Variants in STMN3 observed in about 807,000 individuals in gnomAD.
STMN3 encodes stathmin-3.
In STMN3, 24 loss-of-function variants were observed where a neutral mutation model predicts 23.2. That is an observed-to-expected ratio of 1.03 (90% CI 0.75 to 1.45). The LOEUF is 1.45. Ranked by LOEUF, STMN3 falls within the 40% of genes most tolerant of loss-of-function variation. The pLI is 0.00. For synonymous variants in STMN3, 117 were observed against 103.4 expected (o/e 1.13, Z -0.80); for missense variants, 235 against 237.6 (o/e 0.99, Z 0.07).
chr20:63,645,475 C>CA (rs2089802011), intron 1 of STMN3, among the ~76,000 whole-genome samples: 1 of 152,190 alleles, frequency 6.6e-6, no homozygotes, highest in South Asian at 2.1e-4. Flanking sequence ...AAGTGCCCAC[C>CA]AGCCAGTGTC....
At chr20:63,646,213 C>T (rs964486775) in intron 1 of STMN3, among the ~76,000 whole-genome samples, 1 of 151,722 alleles carries the variant, frequency 6.6e-6, no homozygotes, top group Non-Finnish European at 1.5e-5. Flanking sequence ...CAGGCCCGTG[C>T]GAGAGCCTTT....
At chr20:63,646,245 A>G (rs983589475) in intron 1 of STMN3, among the ~76,000 whole-genome samples, 1 of 151,874 alleles carries the variant, frequency 6.6e-6, no homozygotes, top group Non-Finnish European at 1.5e-5. Flanking sequence ...TGAGACTTTG[A>G]GCCGGGAAGC....
chr20:63,648,349 CCCCT>C (rs1319270225), intron 1 of STMN3, among the ~76,000 whole-genome samples: 3 of 152,076 alleles, frequency 2.0e-5, no homozygotes, highest in Non-Finnish European at 4.4e-5. Context: ...AGGGACTTGG[CCCCT>C]CCAGGCCTGA....
chr20:63,644,446 A>C, intron 1 of STMN3, 137 bp from the exon 2 acceptor site: 1 of 656,870 alleles, frequency 1.5e-6, no homozygotes, highest in East Asian at 2.8e-5. Context: ...GTGTGTCTCC[A>C]CACCGCCGGC....
chr20:63,653,370 G>A lies in STMN3; in HGVS notation c.-25C>T, dbSNP rs1293845130. 10 of 1,542,550 alleles carry A rather than the reference G, an allele frequency of 6.5e-6. No homozygotes were observed. Among genetic ancestry groups the A allele is most frequent in the Non-Finnish European group, 8.7e-6 (10 of 1,144,660 alleles). ...TGGTGCTGGCGGCGGTTGGGCCTGC[G>A]GAGGCTGGAGAGGCGCAAGTGGCGG... On this transcript the variant is annotated 5_prime_UTR_variant, in exon 1 of 5. Transcript: ENST00000370053.
chr20:63,652,755 CCGCAGCGGTGTGGGGGGAGGG>C lies in STMN3; in HGVS notation c.19+551_19+571del, dbSNP rs2089870637. 2.0e-6 allele frequency: 2 copies of C among 985,904 alleles called. No individual in the cohort carries two copies. Among genetic ancestry groups the C allele is most frequent in the South Asian group, 9.4e-5 (2 of 21,300 alleles). 61.1% of individuals were successfully genotyped at this position (985,904 alleles called of 1,614,324 possible). On this transcript the variant is annotated intron_variant, in intron 1 of 4. Coordinates refer to ENST00000370053, the MANE Select transcript of STMN3 (RefSeq NM_015894.4). The surrounding 1 kb of genome is among the most constrained non-coding windows in gnomAD (Gnocchi z 5.3). ...GCGTCGCAAAGGGTGGTCCCCGAGG[CCGCAGCGGTGTGGGGGGAGGG>C]CGCGGTCCCCCTCACTCCGGGCTCC...
intron 1 of STMN3, among the ~76,000 whole-genome samples, chr20:63,651,044 C>T (rs2089855078): frequency 6.6e-6 from 1 of 151,896 alleles, no homozygotes; most frequent in Non-Finnish European, 1.5e-5. Context: ...ACTGCAACCT[C>T]CCTCTCCCCG....
At chr20:63,641,437 G>A (rs748228981) in intron 4 of STMN3, 40 bp from the exon 5 acceptor site, 1 of 1,519,814 alleles carries the variant, frequency 6.6e-7, no homozygotes, top group South Asian at 1.2e-5. Flanking sequence ...GGCGGGGGTG[G>A]CTTGGGGCGA....
At chr20:63,647,339 G>A (rs1402731831) in intron 1 of STMN3, among the ~76,000 whole-genome samples, 14 of 149,888 alleles carry the variant, frequency 9.3e-5, no homozygotes, top group Non-Finnish European at 2.1e-4. Flanking sequence ...TATGGAGGCC[G>A]GGCATGGTGG....
At chr20:63,649,038 C>A (rs182173163) in intron 1 of STMN3, among the ~76,000 whole-genome samples, 2 of 152,148 alleles carry the variant, frequency 1.3e-5, no homozygotes, top group African/African-American at 4.8e-5. Context: ...ACGTGTCCAA[C>A]TGAGAGGTGA....
chr20:63,647,686 CGTGT>C (rs1394027630), intron 1 of STMN3, among the ~76,000 whole-genome samples: 3 of 121,564 alleles, frequency 2.5e-5, no homozygotes, highest in Admixed American at 9.1e-5. Flanking sequence ...TATATATACA[CGTGT>C]ATATATATAA....
intron 3 of STMN3, among the ~76,000 whole-genome samples, chr20:63,642,873 G>A (rs1437314177): frequency 2.0e-5 from 3 of 152,186 alleles, no homozygotes; most frequent in Non-Finnish European, 4.4e-5. Context: ...TCAGCCCTGT[G>A]AACCCTGGTC....
At chr20:63,647,272 C>A (rs1343894075) in intron 1 of STMN3, among the ~76,000 whole-genome samples, 1 of 144,130 alleles carries the variant, frequency 6.9e-6, no homozygotes, top group Non-Finnish European at 1.5e-5. Flanking sequence ...CGAGCTACTG[C>A]ACTCCAGCCT....
chr20:63,644,368 G>T, intron 1 of STMN3, 59 bp from the exon 2 acceptor site: 2 of 1,356,506 alleles, frequency 1.5e-6, no homozygotes, highest in Non-Finnish European at 2.1e-6. Flanking sequence ...CTGGGCCCCC[G>T]TTTTCCCTCC....
At position 63,642,180 on chromosome 20, in the gene STMN3, G is replaced by C; in HGVS notation, c.411C>G (p.Asn137Lys). 6.4e-7 allele frequency: 1 copy of C among 1,558,314 alleles called. No homozygotes were observed. Among genetic ancestry groups the C allele is most frequent in the East Asian group, 2.6e-5 (1 of 37,800 alleles). ...TCTCCTTGCTGAGCTCCATCTTGTA[G>C]TTGAGCTTCTCCTCCGCCTGGCGGC... is the stretch of plus-strand genomic sequence containing the variant. The part of the protein sequence containing the change: ...NFSRQAEEKL[N>K]YKMELSKEIR... Residue 137 changes from asparagine to lysine, a missense_variant, in exon 4 of 5, where the codon AAC (asparagine) becomes AAG (lysine). Transcript: ENST00000370053.
chr20:63,642,334 C>T (rs1466081407), intron 3 of STMN3, 35 bp from the exon 4 acceptor site: 6 of 1,381,644 alleles, frequency 4.3e-6, no homozygotes, highest in East Asian at 3.0e-5. Flanking sequence ...TGAGCGGCAA[C>T]CCCGGGCCCT....
chr20:63,647,815 A>C (rs1470066642), intron 1 of STMN3, among the ~76,000 whole-genome samples: 7 of 127,748 alleles, frequency 5.5e-5, no homozygotes, highest in African/African-American at 1.1e-4. Flanking sequence ...ATACACGTGT[A>C]TATATAATAT....
intron 1 of STMN3, among the ~76,000 whole-genome samples, chr20:63,649,053 C>A (rs919151524): frequency 9.2e-5 from 14 of 152,186 alleles, no homozygotes; most frequent in Non-Finnish European, 1.9e-4. Context: ...AGGTGAGGAA[C>A]TGGGTTCTGC....
intron 1 of STMN3, among the ~76,000 whole-genome samples, chr20:63,651,945 G>A (rs991329749): frequency 1.3e-5 from 2 of 152,198 alleles, no homozygotes; most frequent in African/African-American, 4.8e-5. Flanking sequence ...AGGAAGGGCA[G>A]GAGGCGGCCC....
Sources: allele counts gnomAD v4.1 joint callset (sites outside exome capture counted in the v4.1 genomes callset), GRCh38; gene constraint gnomAD v4.1.1; non-coding constraint Gnocchi (gnomAD v3.1); transcripts MANE v1.5; gene names NCBI Gene and HGNC (gene_info 2026-07-23, HGNC 2026-07-21).